The following ENTREP2 variants were observed in gnomAD, a reference collection of about 807,000 sequenced individuals.
ENTREP2 encodes the protein endosomal transmembrane epsin interactor 2, also known as protein ENTREP2.
chr15:29,387,847 C>T, the ENTREP2 span, among the ~76,000 whole-genome samples: 1 of 152,120 alleles, frequency 6.6e-6, no homozygotes, highest in Admixed American at 6.5e-5. Flanking sequence ...TTTGACAAAC[C>T]TGACAAAAAC....
chr15:29,388,936 G>A, the ENTREP2 span, among the ~76,000 whole-genome samples: 1 of 142,220 alleles, frequency 7.0e-6, no homozygotes, highest in East Asian at 2.1e-4. Context: ...GACACAGGAA[G>A]GGGAACATCA....
chr15:29,478,008 TATATA>T, the ENTREP2 span, among the ~76,000 whole-genome samples: 47 of 77,728 alleles, frequency 6.0e-4, no homozygotes, highest in Non-Finnish European at 9.4e-4. Context: ...TATATATATA[TATATA>T]TATATATTTT....
At chr15:29,336,152 A>G in the ENTREP2 span, among the ~76,000 whole-genome samples, 2 of 151,160 alleles carry the variant, frequency 1.3e-5, no homozygotes, top group African/African-American at 4.9e-5. Context: ...AAAAAAAAAA[A>G]AAAAAAAAAA....
At chr15:29,379,686 T>C in the ENTREP2 span, among the ~76,000 whole-genome samples, 5 of 152,060 alleles carry the variant, frequency 3.3e-5, no homozygotes, top group Non-Finnish European at 7.4e-5. Flanking sequence ...GCCACCACCA[T>C]AAGGGGTCCT....
the ENTREP2 span, among the ~76,000 whole-genome samples, chr15:29,433,277 T>C: frequency 6.6e-6 from 1 of 152,182 alleles, no homozygotes; most frequent in East Asian, 1.9e-4. Context: ...ATTTTCATTG[T>C]AGTGAATACT....
At chr15:29,202,665 G>GT in the ENTREP2 span, among the ~76,000 whole-genome samples, 6 of 152,060 alleles carry the variant, frequency 3.9e-5, no homozygotes, top group Non-Finnish European at 7.4e-5. Context: ...GCCCTGGTAT[G>GT]TGATATTCCC....
At chr15:29,272,356 G>A in the ENTREP2 span, among the ~76,000 whole-genome samples, 118 of 152,274 alleles carry the variant, frequency 7.7e-4, no homozygotes, top group African/African-American at 2.6e-3. Flanking sequence ...AGTAGTTGCT[G>A]CTCCATCTCC....
the ENTREP2 span, among the ~76,000 whole-genome samples, chr15:29,309,473 T>G: frequency 1.3e-5 from 2 of 152,066 alleles, no homozygotes; most frequent in African/African-American, 4.8e-5. Flanking sequence ...ACCCTGGCTT[T>G]CTTCTCTATA....
the ENTREP2 span, among the ~76,000 whole-genome samples, chr15:29,627,639 A>T: frequency 6.6e-6 from 1 of 152,018 alleles, no homozygotes; most frequent in East Asian, 1.9e-4. Flanking sequence ...TTAAATGGTA[A>T]GTCCTTATTC....
the ENTREP2 span, among the ~76,000 whole-genome samples, chr15:29,303,094 T>G: frequency 1.3e-5 from 2 of 152,022 alleles, no homozygotes; most frequent in Non-Finnish European, 2.9e-5. Flanking sequence ...GCTTCTAAGA[T>G]ACTTCGGAGC....
At chr15:29,381,456 A>T in the ENTREP2 span, among the ~76,000 whole-genome samples, 1 of 50,966 alleles carries the variant, frequency 2.0e-5, no homozygotes, top group African/African-American at 2.0e-4. Context: ...ACTCTGTCTC[A>T]AAAAAAAAAA....
the ENTREP2 span, among the ~76,000 whole-genome samples, chr15:29,365,257 T>G: frequency 6.6e-6 from 1 of 151,636 alleles, no homozygotes; most frequent in Non-Finnish European, 1.5e-5. Flanking sequence ...TTTCTTTTTT[T>G]TTTTTTTCTT....
the ENTREP2 span, among the ~76,000 whole-genome samples, chr15:29,210,119 T>A: frequency 6.6e-6 from 1 of 152,140 alleles, no homozygotes; most frequent in Non-Finnish European, 1.5e-5. Flanking sequence ...AAGCCCACTT[T>A]TCCTATGCAG....
At chr15:29,307,300 A>T in the ENTREP2 span, among the ~76,000 whole-genome samples, 34 of 148,176 alleles carry the variant, frequency 2.3e-4, no homozygotes, top group African/African-American at 8.4e-4. Flanking sequence ...AAAAAAAAAA[A>T]ACCTGAAGTC....
At chr15:29,355,272 A>G in the ENTREP2 span, among the ~76,000 whole-genome samples, 3 of 152,040 alleles carry the variant, frequency 2.0e-5, no homozygotes, top group African/African-American at 4.8e-5. Context: ...CCATTACCCA[A>G]TTTAAATATG....
the ENTREP2 span, among the ~76,000 whole-genome samples, chr15:29,408,152 G>A: frequency 6.6e-6 from 1 of 152,128 alleles, no homozygotes; most frequent in African/African-American, 2.4e-5. Flanking sequence ...TCTCCATGGT[G>A]GCTCCAGAGT....
the ENTREP2 span, among the ~76,000 whole-genome samples, chr15:29,321,080 A>G: frequency 1.3e-5 from 2 of 152,092 alleles, no homozygotes; most frequent in African/African-American, 2.4e-5. Context: ...ACAGACCCCA[A>G]ACCAGAGATC....
At chr15:29,588,573 AAGGG>A in the ENTREP2 span, among the ~76,000 whole-genome samples, 48 of 83,880 alleles carry the variant, frequency 5.7e-4, no homozygotes, top group Admixed American at 1.6e-3. Flanking sequence ...AGAGAAGGAG[AAGGG>A]AGGGAGGGAG....
chr15:29,645,386 A>G, the ENTREP2 span, among the ~76,000 whole-genome samples: 2 of 152,210 alleles, frequency 1.3e-5, no homozygotes, highest in African/African-American at 4.8e-5. Flanking sequence ...GAAAAGGCAA[A>G]GCATGCAAGG....
Sources: allele counts gnomAD v4.1 joint callset (sites outside exome capture counted in the v4.1 genomes callset), GRCh38; gene constraint gnomAD v4.1.1; transcripts MANE v1.5; gene names NCBI Gene and HGNC (gene_info 2026-07-23, HGNC 2026-07-21).